XPO5: variants seen among roughly 807,000 people sequenced by gnomAD.
XPO5 encodes exportin 5, also known as exportin-5.
In XPO5, 46 loss-of-function variants were observed where a neutral mutation model predicts 160.6. That is an observed-to-expected ratio of 0.29 (90% CI 0.23 to 0.37). The LOEUF (loss-of-function observed/expected upper bound fraction) is 0.37, where lower values mean the gene tolerates loss of function less well. XPO5 is among the 10% of genes least tolerant of loss of function. The probability of loss-of-function intolerance (pLI) is 1.00; values close to 1 mark genes in which losing one functional copy is unlikely to be tolerated. For missense variants in XPO5, 1,090 were observed against 1,463.9 expected, an observed-to-expected ratio of 0.74 and a Z score of 4.17; for synonymous variants, 537 against 519.3, an observed-to-expected ratio of 1.03 and a Z score of -0.46.
Position 43,572,631 on chromosome 6 carries a change from T to C in XPO5, c.228-53A>G, listed in dbSNP as rs1158996456. On this transcript the variant is annotated intron_variant, in intron 2 of 31. Coordinates refer to ENST00000265351, the MANE Select transcript of XPO5 (RefSeq NM_020750.3). The stretch of plus-strand genomic sequence containing the variant: ...AGAACCACTTTAGAAGTCTTGTCTT[T>C]ACAAGAGAATAGCATGGATTTCTAC... The C allele has an allele frequency of 4.7e-6, 7 of 1,501,582 alleles. No homozygotes were observed. In the African/African-American group the frequency reaches 5.5e-5, roughly 12 times the overall value. The allele number at this position is 1,501,582 out of a possible 1,614,324, so 93.0% of individuals were successfully genotyped here.
intron 26 of XPO5, 55 bp downstream of exon 26, chr6:43,527,579 C>T (rs1582195338): frequency 1.3e-6 from 2 of 1,583,792 alleles, no homozygotes; most frequent in Non-Finnish European, 1.7e-6. Context: ...GGCTGAGCGA[C>T]CAGCTCTTCT....
rs954928056 is a variant in XPO5 at position 43,560,819 on chromosome 6, G to A, written c.1095+105C>T. 2.0e-5 allele frequency: 19 copies of A among 973,780 alleles called. No individual in the cohort carries two copies. In the Admixed American group the frequency reaches 3.1e-4, roughly 16 times the overall value. The allele number at this position is 973,780 out of a possible 1,614,324, so 60.3% of individuals were successfully genotyped here. A position where few individuals can be genotyped will look rare whatever the true frequency, so the allele number is the denominator to read the frequency against. ...ACACTACGGTCATTCCCCAAGGCCT[G>A]AAGAGTCACATTTTATACATGATCT... On this transcript the variant is annotated intron_variant, in intron 10 of 31. Transcript: ENST00000265351.
chr6:43,570,356 TTC>T lies in XPO5; in HGVS notation c.621+144_621+145del, dbSNP rs892153099. ...AAAGAAAGAAAATGAGCTCCAGTTT[TTC>T]TGTCATTTCCTAGTTTTTTATTTTT... On this transcript the variant is annotated intron_variant, in intron 5 of 31. Coordinates refer to ENST00000265351, the MANE Select transcript of XPO5 (RefSeq NM_020750.3). 24 of 665,636 alleles carry T rather than the reference TTC, an allele frequency of 3.6e-5. No homozygotes were observed. The African/African-American group carries it at 4.3e-4, about 12-fold the overall frequency. The allele number at this position is 665,636 out of a possible 1,614,324, so 41.2% of individuals were successfully genotyped here.
intron 14 of XPO5, 83 bp downstream of exon 14, chr6:43,553,290 A>C: frequency 6.8e-7 from 1 of 1,481,364 alleles, no homozygotes. Context: ...CAACAGAGAG[A>C]TATAGCGTCC....
chr6:43,565,479 C>T (rs1453602466), intron 8 of XPO5, among the ~76,000 whole-genome samples, 181 bp downstream of exon 8: 1 of 151,600 alleles, frequency 6.6e-6, no homozygotes, highest in African/African-American at 2.4e-5. Context: ...GCAGGAGAAT[C>T]GCTTGATCCC....
Position 43,553,234 on chromosome 6 carries a change from G to A in XPO5, c.1572+139C>T, listed in dbSNP as rs1010527503. On this transcript the variant is annotated intron_variant, in intron 14 of 31. Coordinates refer to ENST00000265351, the MANE Select transcript of XPO5 (RefSeq NM_020750.3). The stretch of plus-strand genomic sequence containing the variant: ...GGAGGATTGCTTGAGCCCAGGAGTT[G>A]GAGGTTACAGAGAGCTATGATTGTG... 5 of 1,094,650 alleles carry A rather than the reference G, an allele frequency of 4.6e-6. No individual in the cohort carries two copies. The African/African-American group carries it at 6.4e-5, about 14-fold the overall frequency. 67.8% of individuals were successfully genotyped at this position (1,094,650 alleles called of 1,614,324 possible).
intron 11 of XPO5, 77 bp downstream of exon 11, chr6:43,560,101 G>T: frequency 6.6e-7 from 1 of 1,517,682 alleles, no homozygotes; most frequent in East Asian, 2.4e-5. Flanking sequence ...TTATAGGCGT[G>T]AGCCACCGCA....
At chr6:43,530,855 T>C (rs367841894) in intron 22 of XPO5, 31 bp from the exon 23 acceptor site, 15 of 1,594,640 alleles carry the variant, frequency 9.4e-6, no homozygotes, top group Non-Finnish European at 1.1e-5. Flanking sequence ...GCATTGAAAA[T>C]GACAAATCCA....
chr6:43,540,521 C>A (rs1455360318), intron 20 of XPO5, among the ~76,000 whole-genome samples: 1 of 152,028 alleles, frequency 6.6e-6, no homozygotes, highest in Non-Finnish European at 1.5e-5. Context: ...GGCATGGTGG[C>A]ACACACCTGT....
At chr6:43,528,350 A>C in intron 24 of XPO5, 145 bp from the exon 25 acceptor site, 1 of 754,088 alleles carries the variant, frequency 1.3e-6, no homozygotes, top group Non-Finnish European at 2.2e-6. Context: ...CCACACCACA[A>C]GGTTAAAAAA....
chr6:43,548,579 G>A, intron 17 of XPO5, 119 bp from the exon 18 acceptor site: 1 of 894,652 alleles, frequency 1.1e-6, no homozygotes, highest in South Asian at 2.9e-5. Flanking sequence ...AGGCCTATAA[G>A]GTTATTATTT....
intron 20 of XPO5, among the ~76,000 whole-genome samples, chr6:43,537,563 C>T (rs545723682): frequency 3.9e-5 from 6 of 152,276 alleles, no homozygotes; most frequent in Admixed American, 2.6e-4. Context: ...TATGTTCCAA[C>T]GGAAGTTTAC....
intron 11 of XPO5, among the ~76,000 whole-genome samples, chr6:43,559,791 G>T (rs150288873): frequency 5.9e-5 from 9 of 152,108 alleles, no homozygotes; most frequent in Admixed American, 5.2e-4. Flanking sequence ...TGATGAAGAA[G>T]GGCTGTTAAT....
rs146405318 is a variant in XPO5 at position 43,552,478 on chromosome 6, A to G, written c.1572+895T>C. The stretch of plus-strand genomic sequence containing the variant: ...AGCGATTCCTGTACCTCAGCCTCCC[A>G]AGTAGCTGGGATTACAGACATGCAC... On this transcript the variant is annotated intron_variant, in intron 14 of 31. Coordinates refer to ENST00000265351, the MANE Select transcript of XPO5 (RefSeq NM_020750.3). Among the ~76,000 whole-genome samples, 509 of 151,696 alleles carry G rather than the reference A, an allele frequency of 3.4e-3. 10 individuals carry two copies. The highest frequency in any genetic ancestry group is 0.025 in the Admixed American group (380 of 15,242).
intron 21 of XPO5, chr6:43,533,447 T>C (rs567971352): frequency 6.5e-6 from 1 of 154,690 alleles, no homozygotes; most frequent in Non-Finnish European, 1.4e-5. Flanking sequence ...CACTTGTTCA[T>C]ATAGAGCTTA....
intron 7 of XPO5, chr6:43,566,646 TA>T: frequency 7.0e-6 from 3 of 427,726 alleles, no homozygotes; most frequent in Non-Finnish European, 1.4e-5. Flanking sequence ...TCATCTCTAC[TA>T]AAAAATACAA....
intron 23 of XPO5, chr6:43,529,195 A>G (rs1793788039): frequency 3.5e-6 from 5 of 1,445,494 alleles, no homozygotes; most frequent in East Asian, 3.2e-5. Flanking sequence ...AAAAAATAGG[A>G]AGGAGGACAT....
At chr6:43,539,121 G>C in intron 20 of XPO5, 2 of 1,222,434 alleles carry the variant, frequency 1.6e-6, no homozygotes, top group Non-Finnish European at 2.3e-6. Flanking sequence ...GCAGGGATGA[G>C]GCGCACCAGC....
intron 20 of XPO5, chr6:43,539,355 G>A (rs966406523): frequency 2.4e-5 from 38 of 1,579,974 alleles, no homozygotes; most frequent in Non-Finnish European, 2.8e-5. Flanking sequence ...TGGCCAGCAC[G>A]GGTCTGCTTC....
Sources: allele counts gnomAD v4.1 joint callset (sites outside exome capture counted in the v4.1 genomes callset), GRCh38; gene constraint gnomAD v4.1.1; transcripts MANE v1.5; gene names NCBI Gene and HGNC (gene_info 2026-07-23, HGNC 2026-07-21).